The following DHRSX variants were observed in gnomAD, a reference collection of about 807,000 sequenced individuals.
DHRSX encodes the protein dehydrogenase/reductase X-linked, also known as polyprenol dehydrogenase.
A neutral mutation model predicts 34.0 loss-of-function variants in DHRSX; 31 were observed. The observed-to-expected ratio is 0.91, with a 90% CI of 0.69 to 1.23. DHRSX has a LOEUF of 1.23. DHRSX is among the 50% of genes most tolerant of loss of function. The pLI is 0.00. For synonymous variants in DHRSX, 201 were observed against 183.8 expected, an observed-to-expected ratio of 1.09 and a Z score of -0.76; for missense variants, 414 against 428.1, an observed-to-expected ratio of 0.97 and a Z score of 0.29.
At chrX:2,493,348 G>A (rs2045206098) in intron 1 of DHRSX, among the ~76,000 whole-genome samples, 1 of 152,068 alleles carries the variant, frequency 6.6e-6, no homozygotes, top group Non-Finnish European at 1.5e-5. Flanking sequence ...TTATTTGGCT[G>A]AAACAGGTTT....
At chrX:2,310,372 A>G (rs1423932831) in intron 3 of DHRSX, among the ~76,000 whole-genome samples, 2 of 152,116 alleles carry the variant, frequency 1.3e-5, no homozygotes, top group African/African-American at 4.8e-5. Flanking sequence ...CTATATATTT[A>G]TCAATTTAAA....
intron 3 of DHRSX, among the ~76,000 whole-genome samples, chrX:2,325,021 G>T (rs1469259847): frequency 6.7e-6 from 1 of 149,816 alleles, no homozygotes; most frequent in Admixed American, 6.7e-5. Flanking sequence ...TGATCCACCC[G>T]CCTCAGCCTC....
chrX:2,319,101 A>T (rs1036327884), intron 3 of DHRSX, among the ~76,000 whole-genome samples: 3 of 152,098 alleles, frequency 2.0e-5, no homozygotes, highest in African/African-American at 7.2e-5. Flanking sequence ...GGTTAAAAAA[A>T]ATCAAAAGAA....
intron 2 of DHRSX, among the ~76,000 whole-genome samples, chrX:2,411,480 G>A (rs73173703): frequency 0.071 from 10,745 of 150,728 alleles, 575 homozygotes; most frequent in Non-Finnish European, 0.12. Flanking sequence ...ACCAGGACCC[G>A]GGAAGCAGAG....
At chrX:2,420,240 C>T (rs913627035) in intron 2 of DHRSX, among the ~76,000 whole-genome samples, 2 of 151,518 alleles carry the variant, frequency 1.3e-5, no homozygotes, top group Non-Finnish European at 2.9e-5. Flanking sequence ...AACCCCCCCT[C>T]TACTAAAAAT....
At position 2,431,186 on chromosome X, in the gene DHRSX, G is replaced by A. The variant is rs182282030; in HGVS notation, c.110-5882C>T. 1.6e-3 allele frequency among the ~76,000 whole-genome samples: 250 copies of A among 152,000 alleles called. 1 individual carries two copies. Among genetic ancestry groups the A allele is most frequent in the African/African-American group, 5.6e-3 (232 of 41,468 alleles). On this transcript the variant is annotated intron_variant, in intron 1 of 6. Transcript: ENST00000334651. ...TAAAAATACAAAAAATTAGCCTGGC[G>A]TGGTGGCGGGCGCCTGTAGTCCCAG...
In DHRSX at chrX:2,320,917, G is replaced by C. The variant is rs765313584; in HGVS notation, c.287-29314C>G. On this transcript the variant is annotated intron_variant, in intron 3 of 6. Coordinates refer to ENST00000334651, the MANE Select transcript of DHRSX (RefSeq NM_145177.3). ...CCACGTACAGCCTGTCTGCCTGAGG[G>C]CTCAGTGATCCAAAAAGACACTGCA... 4.1e-4 allele frequency among the ~76,000 whole-genome samples: 63 copies of C among 152,202 alleles called. 3 individuals are homozygous for C. Among genetic ancestry groups the C allele is most frequent in the Non-Finnish European group, 7.6e-4 (52 of 68,010 alleles).
chrX:2,316,380 T>C (rs760656659), intron 3 of DHRSX, among the ~76,000 whole-genome samples: 41 of 152,240 alleles, frequency 2.7e-4, no homozygotes, highest in Admixed American at 9.2e-4. Flanking sequence ...GGTGAAACCC[T>C]GTCTCTACGA....
At chrX:2,428,180 T>C (rs912407279) in intron 1 of DHRSX, among the ~76,000 whole-genome samples, 106 of 152,290 alleles carry the variant, frequency 7.0e-4, no homozygotes, top group African/African-American at 2.2e-3. Context: ...AGTGATGGCC[T>C]CACTAACAGC....
chrX:2,427,509 T>C (rs1184148802), intron 1 of DHRSX, among the ~76,000 whole-genome samples: 1 of 152,140 alleles, frequency 6.6e-6, no homozygotes, highest in Non-Finnish European at 1.5e-5. Flanking sequence ...ACAGGTGGTA[T>C]GAGAGGTGCT....
intron 3 of DHRSX, among the ~76,000 whole-genome samples, chrX:2,405,824 A>G (rs2043546562): frequency 6.6e-6 from 1 of 151,974 alleles, no homozygotes; most frequent in Non-Finnish European, 1.5e-5. Context: ...ATAAAGAATC[A>G]AAATACACCC....
intron 5 of DHRSX, among the ~76,000 whole-genome samples, chrX:2,246,690 AAAG>A (rs1039640482): frequency 2.3e-5 from 3 of 133,318 alleles, no homozygotes; most frequent in African/African-American, 8.8e-5. Flanking sequence ...AAGAAAAAGA[AAAG>A]AAAAGAAAGA....
intron 1 of DHRSX, among the ~76,000 whole-genome samples, chrX:2,434,970 A>C (rs1341599505): frequency 6.6e-6 from 1 of 152,190 alleles, no homozygotes; most frequent in Non-Finnish European, 1.5e-5. Context: ...AAGGGGTTAC[A>C]CTCTGTATGA....
At chrX:2,439,591 T>C (rs755407942) in intron 1 of DHRSX, among the ~76,000 whole-genome samples, 1 of 152,282 alleles carries the variant, frequency 6.6e-6, no homozygotes, top group East Asian at 1.9e-4. Flanking sequence ...ATGAAGTAAT[T>C]ATGAAACTCA....
intron 1 of DHRSX, among the ~76,000 whole-genome samples, chrX:2,462,807 TA>T (rs200231232): frequency 0.088 from 12,841 of 145,564 alleles, 689 homozygotes; most frequent in East Asian, 0.21. Flanking sequence ...TTTATCAAAT[TA>T]AAAAAAAAAA....
intron 1 of DHRSX, among the ~76,000 whole-genome samples, chrX:2,497,981 A>G (rs1290139079): frequency 6.6e-6 from 1 of 152,192 alleles, no homozygotes; most frequent in Non-Finnish European, 1.5e-5. Flanking sequence ...AGTCTTAAGA[A>G]CACAGAGACA....
intron 1 of DHRSX, among the ~76,000 whole-genome samples, chrX:2,498,791 C>G (rs1266043300): frequency 2.0e-5 from 3 of 152,130 alleles, no homozygotes; most frequent in South Asian, 2.1e-4. Context: ...AGCAAAACTG[C>G]CCGGATAAAC....
At chrX:2,267,242 G>A (rs2041487322) in intron 4 of DHRSX, among the ~76,000 whole-genome samples, 1 of 152,208 alleles carries the variant, frequency 6.6e-6, no homozygotes, top group Non-Finnish European at 1.5e-5. Flanking sequence ...AGCACTTTGG[G>A]AGGCTGAGGC....
chrX:2,487,211 T>C (rs761605657), intron 1 of DHRSX: 1 of 152,380 alleles, frequency 6.6e-6, no homozygotes, highest in South Asian at 2.1e-4. Flanking sequence ...TTAAAATTCA[T>C]TTCCCCTATG....
Sources: allele counts gnomAD v4.1 joint callset (sites outside exome capture counted in the v4.1 genomes callset), GRCh38; gene constraint gnomAD v4.1.1; transcripts MANE v1.5; gene names NCBI Gene and HGNC (gene_info 2026-07-23, HGNC 2026-07-21).